SNAP91: variants seen among roughly 807,000 people sequenced by gnomAD.
SNAP91 encodes the protein clathrin coat assembly protein AP180.
SNAP91 carries 27 observed loss-of-function variants against 100.3 expected under a neutral mutation model. The ratio of observed to expected loss-of-function variants is 0.27; its 90% CI spans 0.20 to 0.37. The LOEUF is 0.37. Ranked by LOEUF, SNAP91 falls within the 10% of genes least tolerant of loss-of-function variation. The pLI is 1.00. For missense variants in SNAP91, 986 were observed against 1,123.7 expected (o/e 0.88, Z 1.75); for synonymous variants, 404 against 398.6 (o/e 1.01, Z -0.16).
At chr6:83,576,162 C>A in intron 24 of SNAP91, 109 bp from the exon 25 acceptor site, 2 of 562,084 alleles carry the variant, frequency 3.6e-6, no homozygotes, top group Non-Finnish European at 3.1e-6. Context: ...CCTTATTTTG[C>A]CTAGGAATGA....
At chr6:83,610,049 C>T (rs1346858437) in intron 12 of SNAP91, among the ~76,000 whole-genome samples, 1 of 152,000 alleles carries the variant, frequency 6.6e-6, no homozygotes, top group Non-Finnish European at 1.5e-5. Context: ...CATAACTTAC[C>T]TTTCCTCAAA....
At chr6:83,674,987 C>G (rs1473254959) in intron 2 of SNAP91, among the ~76,000 whole-genome samples, 1 of 152,070 alleles carries the variant, frequency 6.6e-6, no homozygotes, top group African/African-American at 2.4e-5. Context: ...GCTAGAGGGG[C>G]TCTCCATTGT....
Position 83,661,590 on chromosome 6 carries a change from T to C in SNAP91, c.364A>G (p.Thr122Ala). 6.3e-7 allele frequency: 1 copy of C among 1,590,308 alleles called. No homozygotes were observed. Among genetic ancestry groups the C allele is most frequent in the Non-Finnish European group, 8.6e-7 (1 of 1,164,502 alleles). The change falls in exon 5 of 30, where the codon ACC (threonine) becomes GCC (alanine). Residue 122 changes from threonine to alanine, a missense_variant. Transcript: ENST00000369694. ...KSGSHGYDMS[T>A]FIRRYSRYLN... Reference sequence around the variant, plus strand: ...TATCTACTATAGCGCCTTATGAAGGTAGACATATCATAACCTGGGAGAGTG... The same window carrying C: ...TATCTACTATAGCGCCTTATGAAGGCAGACATATCATAACCTGGGAGAGTG...
chr6:83,583,848 T>A (rs1831957937), intron 22 of SNAP91, among the ~76,000 whole-genome samples: 1 of 152,232 alleles, frequency 6.6e-6, no homozygotes, highest in East Asian at 1.9e-4. Flanking sequence ...TGAGTTATGT[T>A]ATTCCTAGAA....
At chr6:83,625,505 T>C (rs1386958876) in intron 8 of SNAP91, among the ~76,000 whole-genome samples, 1 of 152,056 alleles carries the variant, frequency 6.6e-6, no homozygotes, top group Non-Finnish European at 1.5e-5. Context: ...CCACCAACAG[T>C]ATATATGAGT....
chr6:83,662,545 A>G (rs2098564908), intron 3 of SNAP91, 123 bp from the exon 4 acceptor site: 1 of 379,694 alleles, frequency 2.6e-6, no homozygotes, highest in South Asian at 1.0e-4. Flanking sequence ...TCAGTTATAA[A>G]GTTTCCTAGA....
At chr6:83,571,639 G>A (rs1807996495) in intron 26 of SNAP91, among the ~76,000 whole-genome samples, 1 of 152,192 alleles carries the variant, frequency 6.6e-6, no homozygotes, top group Admixed American at 6.5e-5. Context: ...GCTCATAGGT[G>A]AAAGAGACTT....
intron 4 of SNAP91, among the ~76,000 whole-genome samples, 167 bp downstream of exon 4, chr6:83,662,180 T>C (rs955976893): frequency 3.3e-5 from 5 of 152,226 alleles, no homozygotes; most frequent in South Asian, 4.1e-4. Context: ...ATATATTTTA[T>C]ATGCTGAGTT....
intron 24 of SNAP91, among the ~76,000 whole-genome samples, chr6:83,577,875 C>A (rs2128101650): frequency 6.6e-6 from 1 of 152,216 alleles, no homozygotes; most frequent in Admixed American, 6.5e-5. Context: ...ACTCCTCTTC[C>A]TCTCCACTTC....
intron 2 of SNAP91, among the ~76,000 whole-genome samples, chr6:83,676,032 G>T (rs72905519): frequency 0.066 from 9,995 of 150,966 alleles, 343 homozygotes; most frequent in Middle Eastern, 0.086. Context: ...GATCACTTGA[G>T]CCCAGTAATT....
chr6:83,666,690 C>A (rs1008845023), intron 2 of SNAP91, among the ~76,000 whole-genome samples: 1 of 151,992 alleles, frequency 6.6e-6, no homozygotes, highest in Admixed American at 6.6e-5. Context: ...AATAACTGTT[C>A]GGAATTATAA....
intron 7 of SNAP91, among the ~76,000 whole-genome samples, chr6:83,647,908 TTGC>T (rs2098015211): frequency 6.6e-6 from 1 of 152,166 alleles, no homozygotes; most frequent in African/African-American, 2.4e-5. Flanking sequence ...AAGGGCCTTC[TTGC>T]TGCATCATAA....
At chr6:83,621,326 G>A (rs1196956266) in intron 9 of SNAP91, among the ~76,000 whole-genome samples, 1 of 152,098 alleles carries the variant, frequency 6.6e-6, no homozygotes, top group East Asian at 1.9e-4. Flanking sequence ...ATCCCATGGT[G>A]TATATGTATC....
intron 17 of SNAP91, 77 bp from the exon 18 acceptor site, chr6:83,593,818 G>A: frequency 6.6e-7 from 1 of 1,503,770 alleles, no homozygotes; most frequent in East Asian, 2.3e-5. Flanking sequence ...ACTATGGCAA[G>A]AGACACCTTA....
rs2099390303 is a variant in SNAP91, at chr6:83,706,977, T to G, written c.130+821A>C. Among the ~76,000 whole-genome samples the G allele has an allele frequency of 2.0e-5, 3 of 152,350 alleles. No individual in the cohort carries two copies. The South Asian group carries it at 6.2e-4, about 32-fold the overall frequency. On this transcript the variant is annotated intron_variant, in intron 2 of 29. Coordinates refer to ENST00000369694, the MANE Select transcript of SNAP91 (RefSeq NM_001242792.2). ...AAAAGATTTACTGTTAATTAAGGTA[T>G]TTCAGAAATATATAGATTCCAGAGT...
chr6:83,580,313 A>G (rs918467258), intron 24 of SNAP91, 137 bp downstream of exon 24: 2 of 848,026 alleles, frequency 2.4e-6, no homozygotes, highest in Non-Finnish European at 3.5e-6. Flanking sequence ...AAGTATTTCT[A>G]TTCCCTCCCT....
chr6:83,591,732 A>C (rs2093776017), intron 21 of SNAP91, among the ~76,000 whole-genome samples: 1 of 152,224 alleles, frequency 6.6e-6, no homozygotes, highest in Admixed American at 6.5e-5. Flanking sequence ...TGTTTATCTG[A>C]CACAAGTCTT....
chr6:83,580,503 G>A lies in SNAP91; in HGVS notation c.2246C>T (p.Ala749Val). The A allele has an allele frequency of 3.1e-6, 5 of 1,613,814 alleles. No individual in the cohort carries two copies. Among genetic ancestry groups the A allele is most frequent in the Non-Finnish European group, 4.2e-6 (5 of 1,179,806 alleles). The change falls in exon 24 of 30, where the codon GCC (alanine) becomes GTC (valine). Residue 749 changes from alanine (A) to valine (V), a missense_variant. Ala to Val is a moderately conservative substitution (Grantham distance 64). Coordinates refer to ENST00000369694, the MANE Select transcript of SNAP91 (RefSeq NM_001242792.2). The stretch of plus-strand genomic sequence containing the variant: ...AAGATCACTTCCAAGGGCTTTGCTG[G>A]CTGCCATTGCAGGACTGGGTGGTAC... ...SMVPPSPAMA[A>V]SKALGSDLDS... is the part of the protein sequence containing the mutation.
chr6:83,699,275 A>AT (rs543126727), intron 2 of SNAP91, among the ~76,000 whole-genome samples: 208 of 152,344 alleles, frequency 1.4e-3, no homozygotes, highest in African/African-American at 4.9e-3. Flanking sequence ...AGAATATAAA[A>AT]TTAGTTTTGT....
Sources: allele counts gnomAD v4.1 joint callset (sites outside exome capture counted in the v4.1 genomes callset), GRCh38; gene constraint gnomAD v4.1.1; transcripts MANE v1.5; gene names NCBI Gene and HGNC (gene_info 2026-07-23, HGNC 2026-07-21).